The following AAMDC variants were observed in gnomAD, a reference collection of about 807,000 sequenced individuals.
AAMDC encodes mth938 domain-containing protein.
AAMDC carries 16 observed loss-of-function variants against 15.5 expected under a neutral mutation model. That is an observed-to-expected ratio of 1.03 (90% CI 0.70 to 1.57). The LOEUF (loss-of-function observed/expected upper bound fraction) is 1.57, where lower values mean the gene tolerates loss of function less well. Among genes scored for constraint, AAMDC ranks in the 40% most tolerant of loss-of-function variants. The pLI is 0.00. For synonymous variants in AAMDC, 51 were observed against 51.6 expected (o/e 0.99, Z 0.05); for missense variants, 141 against 144.9 (o/e 0.97, Z 0.14).
intron 2 of AAMDC, among the ~76,000 whole-genome samples, chr11:77,850,147 G>A (rs144545446): frequency 1.3e-3 from 191 of 152,286 alleles, no homozygotes; most frequent in African/African-American, 4.4e-3. Flanking sequence ...ATAGGTTAAT[G>A]TTATAATTCC....
intron 2 of AAMDC, among the ~76,000 whole-genome samples, chr11:77,855,720 C>CTTT (rs374235923): frequency 0.012 from 1,592 of 127,904 alleles, 57 homozygotes; most frequent in African/African-American, 0.042. Context: ...AGTTTTATGT[C>CTTT]TTTTTTTTTT....
At chr11:77,829,801 A>G (rs562974157) in intron 1 of AAMDC, 2 of 152,346 alleles carry the variant, frequency 1.3e-5, no homozygotes, top group East Asian at 3.9e-4. Flanking sequence ...ACATGTATCA[A>G]AAAGTCAAGA....
rs1231316048 is a variant in AAMDC at position 77,894,335 on chromosome 11, A to G, written c.329-6236A>G. On this transcript the variant is annotated intron_variant, in intron 5 of 5. Transcript: ENST00000304716. ...CTGTAAAAATTTTTCACACATCCCA[A>G]ATAAGGGGTCAAGTCTGTAGAAAAG... is the stretch of plus-strand genomic sequence containing the variant. 3.8e-6 allele frequency: 6 copies of G among 1,562,472 alleles called. No individual in the cohort carries two copies. The African/African-American group carries it at 4.1e-5, about 11-fold the overall frequency.
At chr11:77,902,285 C>T (rs1404949397), downstream of AAMDC, among the ~76,000 whole-genome samples, 1 of 152,040 alleles carries the variant, frequency 6.6e-6, no homozygotes, top group East Asian at 1.9e-4. Flanking sequence ...ATGGAGCATG[C>T]AATGTGTTTA....
intron 5 of AAMDC, among the ~76,000 whole-genome samples, chr11:77,880,602 C>A (rs1013396789): frequency 6.6e-6 from 1 of 152,154 alleles, no homozygotes; most frequent in African/African-American, 2.4e-5. Context: ...CCACACTCTC[C>A]CATTCCATCC....
intron 1 of AAMDC, among the ~76,000 whole-genome samples, chr11:77,823,559 A>G (rs1949030112): frequency 7.1e-6 from 1 of 140,768 alleles, no homozygotes; most frequent in Non-Finnish European, 1.5e-5. Context: ...GTGAGACCTC[A>G]TCTGTAATCC....
At chr11:77,878,597 CCA>C in intron 5 of AAMDC, 1 of 556,892 alleles carries the variant, frequency 1.8e-6, no homozygotes, top group Non-Finnish European at 3.2e-6. Flanking sequence ...GCTCAAATAA[CCA>C]GTTATCAGGA....
downstream of AAMDC, chr11:77,901,534 G>A: frequency 6.2e-7 from 1 of 1,607,824 alleles, no homozygotes; most frequent in Non-Finnish European, 8.5e-7. Flanking sequence ...ATTCCATTTT[G>A]TAGGTCTCTT....
chr11:77,833,395 T>C (rs903309338), intron 1 of AAMDC, among the ~76,000 whole-genome samples: 3 of 152,188 alleles, frequency 2.0e-5, no homozygotes, highest in Non-Finnish European at 4.4e-5. Context: ...CATAAGGGAC[T>C]GTGCAACCTA....
chr11:77,838,217 A>T (rs376042464), intron 1 of AAMDC, among the ~76,000 whole-genome samples: 26,732 of 152,162 alleles, frequency 0.18, 2,817 homozygotes, highest in Non-Finnish European at 0.24. Flanking sequence ...CAAGATGTAG[A>T]CTGTGACTGT....
chr11:77,896,295 C>T lies in AAMDC; in HGVS notation c.329-4276C>T, dbSNP rs1404059886. On this transcript the variant is annotated intron_variant, in intron 5 of 5. Coordinates refer to the AAMDC transcript ENST00000304716. ...CACATAATAATGAAATCAAACTCAA[C>T]GGTTCAGAACAGTGGAATCAACAAC... 4.6e-5 allele frequency among the ~76,000 whole-genome samples: 7 copies of T among 152,084 alleles called. No homozygotes were observed. In the South Asian group the frequency reaches 8.3e-4, roughly 18 times the overall value.
chr11:77,842,423 A>G, intron 1 of AAMDC, 56 bp from the exon 2 acceptor site: 1 of 1,523,878 alleles, frequency 6.6e-7, no homozygotes, highest in Non-Finnish European at 8.9e-7. Flanking sequence ...CTGTATTTTC[A>G]AACTGTTTCA....
chr11:77,835,551 TCTC>T (rs1284666363), intron 1 of AAMDC, among the ~76,000 whole-genome samples: 1 of 152,242 alleles, frequency 6.6e-6, no homozygotes, highest in Admixed American at 6.5e-5. Flanking sequence ...TGACATTTTA[TCTC>T]CCAGGAAGTT....
chr11:77,831,075 G>A (rs1416890425), intron 1 of AAMDC, among the ~76,000 whole-genome samples: 6 of 150,992 alleles, frequency 4.0e-5, no homozygotes, highest in African/African-American at 1.2e-4. Context: ...GGGAGAATTC[G>A]TCGAGGCTTC....
downstream of AAMDC, among the ~76,000 whole-genome samples, chr11:77,903,061 C>T (rs1207902371): frequency 1.6e-4 from 25 of 152,190 alleles, no homozygotes; most frequent in African/African-American, 4.6e-4. Flanking sequence ...TGAGCCACCG[C>T]GCCCGGCCCA....
chr11:77,850,151 T>A (rs779156853), intron 2 of AAMDC, among the ~76,000 whole-genome samples: 4 of 152,236 alleles, frequency 2.6e-5, no homozygotes, highest in African/African-American at 9.6e-5. Flanking sequence ...GTTAATGTTA[T>A]AATTCCTTTT....
At chr11:77,840,947 G>A (rs987199177) in intron 1 of AAMDC, 59 of 462,496 alleles carry the variant, frequency 1.3e-4, no homozygotes, top group Non-Finnish European at 2.1e-4. Context: ...AATCCATGTT[G>A]TGCTCCTATA....
downstream of AAMDC, among the ~76,000 whole-genome samples, chr11:77,873,315 C>T (rs937454418): frequency 2.0e-5 from 3 of 152,160 alleles, no homozygotes; most frequent in Non-Finnish European, 2.9e-5. Flanking sequence ...AGTATTAACT[C>T]ACTGCATGGC....
At chr11:77,865,030 C>T (rs1951046945) in intron 2 of AAMDC, among the ~76,000 whole-genome samples, 1 of 151,846 alleles carries the variant, frequency 6.6e-6, no homozygotes, top group South Asian at 2.1e-4. Flanking sequence ...TTACTCTCTC[C>T]TTCTCTGGAC....
Sources: gnomAD v4.1 joint callset for allele counts (sites outside exome capture counted in the v4.1 genomes callset) on GRCh38, gnomAD v4.1.1 for gene constraint, MANE v1.5 for transcripts, NCBI Gene and HGNC (gene_info 2026-07-23, HGNC 2026-07-21) for gene names.